Variants in ANXA1 observed in about 807,000 individuals in gnomAD.
The protein encoded by ANXA1 is annexin I (lipocortin I).
A neutral mutation model predicts 47.9 loss-of-function variants in ANXA1; 39 were observed. The observed-to-expected ratio is 0.81, with a 90% confidence interval of 0.63 to 1.06. The LOEUF (loss-of-function observed/expected upper bound fraction) is 1.06, where lower values mean the gene tolerates loss of function less well. Ranked by LOEUF, ANXA1 falls within the 50% of genes least tolerant of loss-of-function variation. The pLI, the probability that ANXA1 is intolerant of heterozygous loss-of-function variation, is 0.00. For missense variants in ANXA1, 446 were observed against 422.7 expected (o/e 1.06, Z -0.48); for synonymous variants, 146 against 142.5 (o/e 1.02, Z -0.17).
At position 73,166,137 on chromosome 9, in the gene ANXA1, C is replaced by A. The variant is rs751100018; in HGVS notation, c.747C>A (p.Asn249Lys). 3.7e-6 allele frequency: 6 copies of A among 1,612,264 alleles called. No homozygotes were observed. In the South Asian group the frequency reaches 6.6e-5, roughly 18 times the overall value. ...CCAAGTACAGTAAGCATGACATGAA[C>A]AAAGTTCTGGACCTGGAGTTGAAAG... ...KYTKYSKHDM[N>K]KVLDLELKGD... The change falls in exon 10 of 13, where the codon AAC becomes AAA. Residue 249 changes from asparagine to lysine, a missense_variant. Transcript: ENST00000257497.
chr9:73,152,274 C>A (rs1383338551), intron 1 of ANXA1, among the ~76,000 whole-genome samples: 1 of 152,082 alleles, frequency 6.6e-6, no homozygotes, highest in Non-Finnish European at 1.5e-5. Context: ...TGAAATATTT[C>A]TTCCCAAGAG....
At chr9:73,152,408 T>A (rs1563959824) in intron 1 of ANXA1, among the ~76,000 whole-genome samples, 1 of 152,306 alleles carries the variant, frequency 6.6e-6, no homozygotes, top group Non-Finnish European at 1.5e-5. Context: ...TTTTCTTCTT[T>A]TGTAAGGAAA....
chr9:73,158,385 C>A lies in ANXA1; in HGVS notation c.-14-137C>A. 7.7e-6 allele frequency: 5 copies of A among 652,330 alleles called. No individual in the cohort carries two copies. In the South Asian group the frequency reaches 9.8e-5, roughly 13 times the overall value. The allele number at this position is 652,330 out of a possible 1,614,324, so 40.4% of individuals were successfully genotyped here. On this transcript the variant is annotated intron_variant, in intron 1 of 12. Transcript: ENST00000257497. ...ATTACGTCTTACATTTTGTTATGCT[C>A]CTAAGTGTAATTGATCCTGGAAAGT...
intron 1 of ANXA1, among the ~76,000 whole-genome samples, chr9:73,157,158 T>C (rs1487447243): frequency 6.6e-6 from 1 of 152,086 alleles, no homozygotes; most frequent in Non-Finnish European, 1.5e-5. Context: ...GGTGGGAAAA[T>C]ATGTAGGACT....
At chr9:73,165,260 C>G in intron 9 of ANXA1, 51 bp downstream of exon 9, 3 of 1,475,192 alleles carry the variant, frequency 2.0e-6, no homozygotes, top group Non-Finnish European at 2.8e-6. Context: ...ATGCAATTTT[C>G]TTTTTTGATG....
intron 1 of ANXA1, among the ~76,000 whole-genome samples, chr9:73,152,264 T>C (rs1823984498): frequency 6.6e-6 from 1 of 152,160 alleles, no homozygotes; most frequent in African/African-American, 2.4e-5. Flanking sequence ...TCCTTCCCCT[T>C]GAAATATTTC....
At chr9:73,160,741 C>A (rs2118152069) in intron 5 of ANXA1, 62 bp from the exon 6 acceptor site, 2 of 1,303,664 alleles carry the variant, frequency 1.5e-6, no homozygotes, top group South Asian at 2.5e-5. Context: ...ACCAAAAACT[C>A]ATTGATCCTC....
chr9:73,169,967 T>C, intron 12 of ANXA1, 84 bp from the exon 13 acceptor site: 2 of 984,936 alleles, frequency 2.0e-6, no homozygotes, highest in East Asian at 5.3e-5. Context: ...CAGCTAAGTC[T>C]AAAAATAATT....
chr9:73,153,293 C>T (rs114724144), intron 1 of ANXA1, among the ~76,000 whole-genome samples: 2,139 of 152,260 alleles, frequency 0.014, 41 homozygotes, highest in African/African-American at 0.049. Flanking sequence ...CTCTCTAGAC[C>T]TATTAATTTA....
In ANXA1 at chr9:73,152,779, T is replaced by C. The variant is rs112466273; in HGVS notation, c.-15+855T>C. 2.1e-3 allele frequency among the ~76,000 whole-genome samples: 320 copies of C among 152,290 alleles called. 1 individual carries two copies. The highest frequency in any genetic ancestry group is 7.3e-3 in the African/African-American group (305 of 41,562). ...AAAACTAAAGAAGAGTATTTACTAG[T>C]GTTGGATATATTTGTAAAAGTGAGA... On this transcript the variant is annotated intron_variant, in intron 1 of 12. Coordinates refer to ENST00000257497, the MANE Select transcript of ANXA1 (RefSeq NM_000700.3).
rs148187721 is a variant in ANXA1 at position 73,158,766 on chromosome 9, G to A, written c.138G>A (p.Ser46=). The A allele has an allele frequency of 5.6e-6, 9 of 1,613,798 alleles. No individual in the cohort carries two copies. The highest frequency in any genetic ancestry group is 2.7e-5 in the African/African-American group (2 of 74,990). Residue 46 remains serine, a synonymous_variant, in exon 3 of 13, where the codon TCG becomes TCA. Transcript: ENST00000257497. ...CCTATCCTACCTTCAATCCATCCTC[G>A]GATGTCGCTGCCTTGCATAAGGCCA... The part of the protein sequence containing the change: ...VSPYPTFNPS[S]DVAALHKAIM...
intron 3 of ANXA1, 138 bp downstream of exon 3, chr9:73,158,941 T>C: frequency 2.7e-6 from 2 of 744,602 alleles, no homozygotes; most frequent in East Asian, 2.7e-5. Flanking sequence ...CAAACGAAGA[T>C]GTAATTATTT....
At chr9:73,151,945 T>C (rs1050890262) in intron 1 of ANXA1, 21 bp downstream of exon 1, 1 of 152,198 alleles carries the variant, frequency 6.6e-6, no homozygotes, top group Non-Finnish European at 1.5e-5. Context: ...GTTTTCCTTT[T>C]AGTTAGTTTT....
At chr9:73,163,880 G>A (rs553998969) in intron 8 of ANXA1, among the ~76,000 whole-genome samples, 3 of 152,106 alleles carry the variant, frequency 2.0e-5, no homozygotes, top group Non-Finnish European at 2.9e-5. Context: ...GCAATGGAAA[G>A]AGTAAGCATA....
intron 6 of ANXA1, among the ~76,000 whole-genome samples, chr9:73,161,623 C>T (rs944513904): frequency 6.6e-6 from 1 of 151,916 alleles, no homozygotes; most frequent in African/African-American, 2.4e-5. Flanking sequence ...GATTCTCATA[C>T]CAAGCATGGA....
In ANXA1 at chr9:73,160,262, G is replaced by T; in HGVS notation, c.271-1G>T. 6.5e-7 allele frequency: 1 copy of T among 1,539,714 alleles called. No homozygotes were observed. The highest frequency in any genetic ancestry group is 2.4e-5 in the Admixed American group (1 of 41,728). On this transcript the variant is annotated splice_acceptor_variant, in intron 4 of 12. Coordinates refer to ENST00000257497, the MANE Select transcript of ANXA1 (RefSeq NM_000700.3). LOFTEE classifies it high-confidence loss of function. ...CCTGATTCTAATCTTTTTTTTTGTA[G>T]CCCCTGGATGAAACACTGAAGAAAG...
At chr9:73,167,868 T>C (rs1050086523) in intron 11 of ANXA1, 2 of 257,658 alleles carry the variant, frequency 7.8e-6, no homozygotes, top group Admixed American at 4.9e-5. Flanking sequence ...TTTAGTGGCC[T>C]ACTTCCTCTA....
Position 73,158,716 on chromosome 9 carries a change from G to C in ANXA1, c.88G>C (p.Gly30Arg), listed in dbSNP as rs778266723. 3 of 1,613,824 alleles carry C rather than the reference G, an allele frequency of 1.9e-6. No individual in the cohort carries two copies. Among genetic ancestry groups the C allele is most frequent in the East Asian group, 2.2e-5 (1 of 44,868 alleles). Residue 30 changes from glycine (G) to arginine (R), a missense_variant, in exon 3 of 13, where the codon GGT becomes CGT. Coordinates refer to ENST00000257497, the MANE Select transcript of ANXA1 (RefSeq NM_000700.3). ...TTAGCAAACTGTGAAGTCATCCAAA[G>C]GTGGTCCCGGATCAGCGGTGAGCCC... ...EYVQTVKSSKGGPGSAVSPYP... is the reference protein window; with the variant it reads ...EYVQTVKSSKRGPGSAVSPYP...
At chr9:73,163,388 ATAT>A (rs1420060901) in intron 7 of ANXA1, 85 bp from the exon 8 acceptor site, 39 of 1,326,616 alleles carry the variant, frequency 2.9e-5, no homozygotes, top group Non-Finnish European at 3.8e-5. Flanking sequence ...TTCTCAAAAA[ATAT>A]TATTTATCTG....
Sources: allele counts gnomAD v4.1 joint callset (sites outside exome capture counted in the v4.1 genomes callset), GRCh38; gene constraint gnomAD v4.1.1; transcripts MANE v1.5; gene names NCBI Gene and HGNC (gene_info 2026-07-23, HGNC 2026-07-21).